SLC39A14: variants seen among roughly 807,000 people sequenced by gnomAD.
SLC39A14 encodes solute carrier family 39 member 14.
SLC39A14 carries 19 observed loss-of-function variants against 45.5 expected under a neutral mutation model. The ratio of observed to expected loss-of-function variants is 0.42; its 90% CI spans 0.29 to 0.61. SLC39A14 has a LOEUF of 0.61. Ranked by LOEUF, SLC39A14 falls within the 20% of genes least tolerant of loss-of-function variation. The pLI, the probability that SLC39A14 is intolerant of heterozygous loss-of-function variation, is 0.22. For synonymous variants in SLC39A14, 264 were observed against 251.3 expected, an observed-to-expected ratio of 1.05 and a Z score of -0.48; for missense variants, 447 against 616.5, an observed-to-expected ratio of 0.73 and a Z score of 2.91.
chr8:22,375,135 G>C (rs1195113528), intron 1 of SLC39A14, among the ~76,000 whole-genome samples: 1 of 152,094 alleles, frequency 6.6e-6, no homozygotes, highest in Non-Finnish European at 1.5e-5. Context: ...ACCTTCCTTA[G>C]CCCTCAGAAG....
intron 1 of SLC39A14, among the ~76,000 whole-genome samples, chr8:22,382,038 G>A (rs1166728839): frequency 6.6e-6 from 1 of 152,008 alleles, no homozygotes; most frequent in Non-Finnish European, 1.5e-5. Context: ...CTACTTGGGA[G>A]GCTGAGGCAG....
intron 4 of SLC39A14, among the ~76,000 whole-genome samples, chr8:22,412,810 AG>A (rs1835655219): frequency 6.6e-6 from 1 of 152,112 alleles, no homozygotes; most frequent in South Asian, 2.1e-4. Flanking sequence ...CAGACGTGGT[AG>A]CGCACGCCTG....
intron 1 of SLC39A14, among the ~76,000 whole-genome samples, chr8:22,395,191 G>C (rs1435076132): frequency 6.6e-6 from 1 of 152,050 alleles, no homozygotes; most frequent in Non-Finnish European, 1.5e-5. Flanking sequence ...TATATTTTTA[G>C]TAGAGTTGGG....
intron 8 of SLC39A14, among the ~76,000 whole-genome samples, chr8:22,432,292 C>T (rs1169809287): frequency 6.6e-6 from 1 of 152,118 alleles, no homozygotes; most frequent in Non-Finnish European, 1.5e-5. Flanking sequence ...ATGATCATGC[C>T]ACTGCACTCC....
intron 1 of SLC39A14, among the ~76,000 whole-genome samples, chr8:22,379,263 G>T (rs531636765): frequency 6.6e-5 from 10 of 152,310 alleles, no homozygotes; most frequent in African/African-American, 9.6e-5. Context: ...GATTTTATCT[G>T]CAAAGTCTCT....
chr8:22,431,416 A>AAC (rs1384623416), intron 8 of SLC39A14, among the ~76,000 whole-genome samples: 4 of 152,252 alleles, frequency 2.6e-5, no homozygotes, highest in Non-Finnish European at 4.4e-5. Flanking sequence ...ACCTGCATTT[A>AAC]ACACAGAAGT....
At chr8:22,384,958 G>C (rs1404433503) in intron 1 of SLC39A14, among the ~76,000 whole-genome samples, 2 of 144,730 alleles carry the variant, frequency 1.4e-5, no homozygotes, top group Non-Finnish European at 3.0e-5. Flanking sequence ...GCTGAGACTG[G>C]AGAATTGCTT....
At chr8:22,426,515 C>T (rs536420569), downstream of SLC39A14, among the ~76,000 whole-genome samples, 8 of 152,248 alleles carry the variant, frequency 5.3e-5, no homozygotes, top group South Asian at 4.1e-4. Flanking sequence ...TTTCTACAAC[C>T]GGTTTACTTA....
chr8:22,371,307 T>C (rs1018787404), intron 1 of SLC39A14, among the ~76,000 whole-genome samples: 2 of 151,932 alleles, frequency 1.3e-5, no homozygotes, highest in African/African-American at 4.8e-5. Context: ...ATGCCCTACA[T>C]TTATTACCGC....
chr8:22,387,464 C>T (rs943770543), intron 1 of SLC39A14, among the ~76,000 whole-genome samples: 2 of 152,112 alleles, frequency 1.3e-5, no homozygotes, highest in Non-Finnish European at 2.9e-5. Flanking sequence ...GAATTTTGAT[C>T]CCTTGTTAAT....
chr8:22,399,726 T>C (rs1005336790), intron 1 of SLC39A14, among the ~76,000 whole-genome samples: 7 of 152,262 alleles, frequency 4.6e-5, no homozygotes, highest in African/African-American at 7.2e-5. Context: ...CAGGCTGTCA[T>C]AGCAGCCACC....
chr8:22,399,456 A>G (rs1317302663), intron 1 of SLC39A14, among the ~76,000 whole-genome samples: 1 of 152,032 alleles, frequency 6.6e-6, no homozygotes, highest in Non-Finnish European at 1.5e-5. Context: ...ATCCTCCCCA[A>G]CCCTTGCGGG....
downstream of SLC39A14, among the ~76,000 whole-genome samples, chr8:22,426,094 A>G (rs1325549725): frequency 2.6e-5 from 4 of 151,990 alleles, no homozygotes; most frequent in South Asian, 2.1e-4. Flanking sequence ...GTTTCTCCAT[A>G]TGGGTCAGGT....
In SLC39A14 at chr8:22,419,845, C is replaced by T. The variant is rs1463932934; in HGVS notation, c.*147C>T. The T allele has an allele frequency of 7.3e-6, 10 of 1,366,848 alleles. No homozygotes were observed. In the African/African-American group the frequency reaches 1.0e-4, roughly 14 times the overall value. The allele number at this position is 1,366,848 out of a possible 1,614,324, so 84.7% of individuals were successfully genotyped here. On this transcript the variant is annotated 3_prime_UTR_variant, in exon 9 of 9. Coordinates refer to ENST00000381237, the MANE Select transcript of SLC39A14 (RefSeq NM_001128431.4). The stretch of plus-strand genomic sequence containing the variant: ...TGTATTCCTGCATTCAAATGTCAGC[C>T]GTTTGTAAAATGCTGTATCCTAGGA...
intron 1 of SLC39A14, among the ~76,000 whole-genome samples, chr8:22,384,509 A>G (rs2132213084): frequency 6.6e-6 from 1 of 151,678 alleles, no homozygotes; most frequent in South Asian, 2.1e-4. Context: ...GCACTTTGAG[A>G]GGCCAAGGTC....
At chr8:22,373,741 A>C (rs1261009831) in intron 1 of SLC39A14, among the ~76,000 whole-genome samples, 1 of 150,556 alleles carries the variant, frequency 6.6e-6, no homozygotes, top group Non-Finnish European at 1.5e-5. Flanking sequence ...TTTATTCTTC[A>C]GGGTTTTTTG....
intron 1 of SLC39A14, among the ~76,000 whole-genome samples, chr8:22,397,402 G>C (rs868279434): frequency 2.6e-5 from 4 of 152,134 alleles, no homozygotes; most frequent in African/African-American, 9.7e-5. Context: ...CACAGTGAAA[G>C]CCGGTCTCTA....
intron 8 of SLC39A14, among the ~76,000 whole-genome samples, chr8:22,431,277 G>A (rs991898979): frequency 2.6e-5 from 4 of 152,118 alleles, no homozygotes; most frequent in East Asian, 3.8e-4. Context: ...GTGAGCCACC[G>A]TGCCTGGCCT....
At position 22,422,262 on chromosome 8, in the gene SLC39A14, G is replaced by A. The variant is rs1368665350; in HGVS notation, c.*2564G>A. On this transcript the variant is annotated 3_prime_UTR_variant, in exon 9 of 9. Coordinates refer to ENST00000381237, the MANE Select transcript of SLC39A14 (RefSeq NM_001128431.4). ...GTCACGTGCAGGAACAGTGAGGCAG[G>A]GACAGGGGTTCTGCTCCTTCTCACT... 5.1e-6 allele frequency: 5 copies of A among 985,500 alleles called. No individual in the cohort carries two copies. Among genetic ancestry groups the A allele is most frequent in the Non-Finnish European group, 4.8e-6 (4 of 829,902 alleles). 61.0% of individuals were successfully genotyped at this position (985,500 alleles called of 1,614,324 possible).
Sources: allele counts gnomAD v4.1 joint callset (sites outside exome capture counted in the v4.1 genomes callset), GRCh38; gene constraint gnomAD v4.1.1; transcripts MANE v1.5; gene names NCBI Gene and HGNC (gene_info 2026-07-23, HGNC 2026-07-21).